The following CLIP2 variants were observed in gnomAD, a reference collection of about 807,000 sequenced individuals.
CLIP2 encodes CAP-Gly domain containing linker protein 2.
CLIP2 carries 41 observed loss-of-function variants against 111.7 expected under a neutral mutation model. The observed-to-expected ratio is 0.37, with a 90% confidence interval of 0.29 to 0.48. The LOEUF is 0.48. Ranked by LOEUF, CLIP2 falls within the 20% of genes least tolerant of loss-of-function variation. The pLI, the probability that CLIP2 is intolerant of heterozygous loss-of-function variation, is 0.99. For missense variants in CLIP2, 1,160 were observed against 1,422.1 expected (o/e 0.82, Z 2.96); for synonymous variants, 660 against 644.2 (o/e 1.02, Z -0.37).
At chr7:74,378,974 G>C (rs782579927) in intron 10 of CLIP2, among the ~76,000 whole-genome samples, 2 of 152,084 alleles carry the variant, frequency 1.3e-5, no homozygotes, top group Admixed American at 6.6e-5. Context: ...ATTAGCTTAC[G>C]TGCACATGGC....
At position 74,390,162 on chromosome 7, in the gene CLIP2, G is replaced by GAAGAAAGAGAAAGA. The variant is rs1416282970; in HGVS notation, c.2720+911_2720+912insGAAAGAAAGAAAGA. 7.1e-4 allele frequency among the ~76,000 whole-genome samples: 60 copies of GAAGAAAGAGAAAGA among 85,016 alleles called. 2 individuals are homozygous for GAAGAAAGAGAAAGA. The highest frequency in any genetic ancestry group is 5.2e-3 in the Middle Eastern group (1 of 194). 55.8% of individuals were successfully genotyped at this position (85,016 alleles called of 152,430 possible). Reference sequence around the variant, plus strand: ...AAAGAAAGAAAGAAAAAGAAAGAAAGAAGAAAGAAAGAAAGAAAGAAAGAA... The same window carrying GAAGAAAGAGAAAGA: ...AAAGAAAGAAAGAAAAAGAAAGAAAGAAGAAAGAGAAAGAAAGAAAGAAAGAAAGAAAGAAAGAA... On this transcript the variant is annotated intron_variant, in intron 13 of 16. Transcript: ENST00000223398.
At chr7:74,366,385 C>T (rs1230047452) in intron 8 of CLIP2, among the ~76,000 whole-genome samples, 2 of 152,216 alleles carry the variant, frequency 1.3e-5, no homozygotes, top group Non-Finnish European at 2.9e-5. Context: ...CAGTCTGTGG[C>T]CTCCATGCCC....
chr7:74,357,182 C>T, intron 5 of CLIP2, 98 bp from the exon 6 acceptor site: 1 of 1,090,394 alleles, frequency 9.2e-7, no homozygotes, highest in Non-Finnish European at 1.4e-6. Flanking sequence ...ACTTGGGCTC[C>T]CACCTGCTAT....
At chr7:74,321,756 C>G (rs1025540461) in intron 2 of CLIP2, among the ~76,000 whole-genome samples, 31 of 151,820 alleles carry the variant, frequency 2.0e-4, no homozygotes, top group African/African-American at 7.0e-4. Flanking sequence ...GTGTGAGCCA[C>G]CGCGCCTGGC....
chr7:74,318,588 C>CTA, intron 2 of CLIP2, among the ~76,000 whole-genome samples: 1 of 152,024 alleles, frequency 6.6e-6, no homozygotes. Flanking sequence ...TGGCGGGCGC[C>CTA]TATAGTCCCA....
chr7:74,395,507 G>A (rs1347699627), intron 13 of CLIP2, among the ~76,000 whole-genome samples: 4 of 152,098 alleles, frequency 2.6e-5, no homozygotes, highest in Admixed American at 2.6e-4. Flanking sequence ...GGCCAGGCTG[G>A]TCTCAAACTC....
At chr7:74,347,430 G>A (rs914331390) in intron 3 of CLIP2, among the ~76,000 whole-genome samples, 1 of 152,202 alleles carries the variant, frequency 6.6e-6, no homozygotes, top group South Asian at 2.1e-4. Context: ...CACCACGCCT[G>A]GCTAATTTTT....
intron 11 of CLIP2, among the ~76,000 whole-genome samples, chr7:74,384,709 G>A (rs1791038356): frequency 1.3e-5 from 2 of 151,880 alleles, no homozygotes; most frequent in African/African-American, 2.4e-5. Context: ...GCCTCCTGAA[G>A]TGCTGGGATA....
intron 2 of CLIP2, among the ~76,000 whole-genome samples, chr7:74,337,934 G>A (rs1434227968): frequency 2.6e-5 from 4 of 152,048 alleles, no homozygotes; most frequent in African/African-American, 4.8e-5. Flanking sequence ...TCCTGGGGAC[G>A]CTCTGGAGGG....
intron 2 of CLIP2, among the ~76,000 whole-genome samples, chr7:74,327,111 T>C (rs1296113229): frequency 6.6e-6 from 1 of 152,054 alleles, no homozygotes; most frequent in Non-Finnish European, 1.5e-5. Context: ...CAAAGTTTGT[T>C]TTGTTTTTTG....
At chr7:74,372,906 C>CA in intron 8 of CLIP2, 26 bp from the exon 9 acceptor site, 2 of 1,248,040 alleles carry the variant, frequency 1.6e-6, no homozygotes, top group Non-Finnish European at 2.3e-6. Context: ...CCCACCCCCC[C>CA]ACCGTGTCCA....
At chr7:74,343,491 CTTCA>C (rs112530060) in intron 3 of CLIP2, among the ~76,000 whole-genome samples, 3,331 of 152,036 alleles carry the variant, frequency 0.022, 78 homozygotes, top group African/African-American at 0.065. Context: ...AGAGCCTCAT[CTTCA>C]TTCATTCATT....
chr7:74,382,802 T>G (rs1790983179), intron 11 of CLIP2, among the ~76,000 whole-genome samples: 1 of 151,972 alleles, frequency 6.6e-6, no homozygotes, highest in Non-Finnish European at 1.5e-5. Context: ...CCAGGTATGG[T>G]GGCTCACACT....
intron 2 of CLIP2, among the ~76,000 whole-genome samples, chr7:74,336,870 TTTTTGTTTTTTTTTG>T (rs1789483279): frequency 8.3e-5 from 2 of 23,994 alleles, no homozygotes; most frequent in Non-Finnish European, 4.3e-4. Flanking sequence ...GTTTTTTTTT[TTTTTGTTTTTTTTTG>T]TTTTGTTTTT....
intron 10 of CLIP2, among the ~76,000 whole-genome samples, chr7:74,377,403 A>G (rs782352586): frequency 6.6e-5 from 10 of 152,184 alleles, no homozygotes; most frequent in Non-Finnish European, 1.3e-4. Context: ...GCTGTCACCA[A>G]TGTCAATTTT....
At chr7:74,389,677 T>C (rs1230448656) in intron 13 of CLIP2, among the ~76,000 whole-genome samples, 2 of 150,556 alleles carry the variant, frequency 1.3e-5, no homozygotes, top group Non-Finnish European at 2.9e-5. Flanking sequence ...GGCAGCCGGA[T>C]CACCTGAGGT....
At chr7:74,397,793 A>T (rs1791501038) in intron 14 of CLIP2, among the ~76,000 whole-genome samples, 2 of 151,178 alleles carry the variant, frequency 1.3e-5, no homozygotes, top group African/African-American at 2.4e-5. Context: ...CAGCCTCCCA[A>T]GTAGCTGGGA....
intron 13 of CLIP2, among the ~76,000 whole-genome samples, chr7:74,390,099 A>G (rs797028812): frequency 2.0e-5 from 3 of 146,576 alleles, no homozygotes; most frequent in East Asian, 2.0e-4. Flanking sequence ...TTAAAAAAAA[A>G]AAAGAAAGAA....
In CLIP2 at chr7:74,395,048, G is replaced by T. The variant is rs559184180; in HGVS notation, c.2721-2026G>T. On this transcript the variant is annotated intron_variant, in intron 13 of 16. Coordinates refer to ENST00000223398, the MANE Select transcript of CLIP2 (RefSeq NM_003388.5). ...GAAGCCACATTTCCTCTTTCCCAGA[G>T]CCTGGCCTCATCCCCGTCTCCCTGC... is the stretch of plus-strand genomic sequence containing the variant. 1.1e-4 allele frequency among the ~76,000 whole-genome samples: 17 copies of T among 152,198 alleles called. No homozygotes were observed. In the East Asian group the frequency reaches 3.3e-3, roughly 29 times the overall value.
Sources: allele counts gnomAD v4.1 joint callset (sites outside exome capture counted in the v4.1 genomes callset), GRCh38; gene constraint gnomAD v4.1.1; transcripts MANE v1.5; gene names NCBI Gene and HGNC (gene_info 2026-07-23, HGNC 2026-07-21).